The following KCNQ3 variants were observed in gnomAD, a reference collection of about 807,000 sequenced individuals.
The protein encoded by KCNQ3 is potassium voltage-gated channel subfamily KQT member 3.
Under a neutral mutation model 92.5 loss-of-function variants are expected in KCNQ3, and 30 were observed. The observed-to-expected ratio is 0.32, with a 90% CI of 0.24 to 0.44. KCNQ3 has a LOEUF of 0.44. Among genes scored for constraint, KCNQ3 ranks in the 20% least tolerant of loss-of-function variants. KCNQ3 has a pLI of 1.00. For missense variants in KCNQ3, 913 were observed against 1,140.3 expected (o/e 0.80, Z 2.87); for synonymous variants, 450 against 468.8 (o/e 0.96, Z 0.52).
rs1826891697 is a variant in KCNQ3, at chr8:132,184,384, ATGGAG to A, written c.478-22_478-18del. 6.2e-7 allele frequency: 1 copy of A among 1,613,046 alleles called. No homozygotes were observed. The highest frequency in any genetic ancestry group is 1.7e-5 in the Admixed American group (1 of 59,970). On this transcript the variant is annotated intron_variant, in intron 2 of 14. Transcript: ENST00000388996. ...AAATGTCTCCTGCATGGAAGAGCAT[ATGGAG>A]AGGCACTGATTAACCGAGATCCACT...
chr8:132,311,051 C>T (rs1817579223), intron 1 of KCNQ3, among the ~76,000 whole-genome samples: 1 of 151,344 alleles, frequency 6.6e-6, no homozygotes, highest in African/African-American at 2.4e-5. Context: ...ATTATCTTGT[C>T]ACAGCCTCCC....
chr8:132,163,113 TG>T (rs1050254286), intron 9 of KCNQ3, among the ~76,000 whole-genome samples: 1 of 152,186 alleles, frequency 6.6e-6, no homozygotes, highest in African/African-American at 2.4e-5. Context: ...ATTTTGGTCT[TG>T]CCACTCAATC....
intron 1 of KCNQ3, among the ~76,000 whole-genome samples, 153 bp downstream of exon 1, chr8:132,479,994 C>CACA (rs1554660748): frequency 3.6e-5 from 4 of 111,030 alleles, no homozygotes; most frequent in Non-Finnish European, 5.9e-5. Context: ...ACACACACAC[C>CACA]CAGGGAAACG....
chr8:132,406,253 G>C (rs544311504), intron 1 of KCNQ3, among the ~76,000 whole-genome samples: 3 of 152,140 alleles, frequency 2.0e-5, no homozygotes, highest in Non-Finnish European at 4.4e-5. Flanking sequence ...TTCTTTGCTG[G>C]ATCAAGCGGG....
chr8:132,187,883 TGGC>T (rs1271113956), intron 1 of KCNQ3, among the ~76,000 whole-genome samples: 2,072 of 94,870 alleles, frequency 0.022, 25 homozygotes, highest in Non-Finnish European at 0.028. Context: ...ATAGTGATGG[TGGC>T]GGTGGTGGTG....
rs761196608 is a variant in KCNQ3, at chr8:132,170,425, C to T, written c.1144G>A (p.Ala382Thr). ...GGGTTGGTAGCATAATACCTCCAGG[C>T]AGCCTGAGGGGCAGAAAAGAGGGGC... ...RKPAAELIQA[A>T]WRYYATNPNR... The change falls in exon 8 of 15, where the codon GCC (alanine) becomes ACC (threonine). Residue 382 changes from alanine (A) to threonine (T), a missense_variant. Coordinates refer to ENST00000388996, the MANE Select transcript of KCNQ3 (RefSeq NM_004519.4). The T allele has an allele frequency of 1.9e-6, 3 of 1,611,794 alleles. No homozygotes were observed. The highest frequency in any genetic ancestry group is 4.5e-5 in the East Asian group (2 of 44,852).
chr8:132,148,674 G>T (rs139129832), intron 9 of KCNQ3, among the ~76,000 whole-genome samples: 5 of 152,234 alleles, frequency 3.3e-5, no homozygotes, highest in Non-Finnish European at 7.3e-5. Context: ...GTGGATGGAC[G>T]TCATCTAATC....
intron 1 of KCNQ3, among the ~76,000 whole-genome samples, chr8:132,476,151 A>G (rs1395381780): frequency 6.6e-6 from 1 of 152,226 alleles, no homozygotes; most frequent in Non-Finnish European, 1.5e-5. Context: ...ACCTCCACCT[A>G]GATTTCAGAG....
intron 1 of KCNQ3, chr8:132,447,132 C>A (rs995444136): frequency 1.5e-5 from 20 of 1,362,386 alleles, no homozygotes; most frequent in Admixed American, 5.9e-5. Context: ...TCCCTCTCCC[C>A]CTGGGACTCT....
chr8:132,344,281 T>C (rs964326520), intron 1 of KCNQ3, among the ~76,000 whole-genome samples: 3 of 152,216 alleles, frequency 2.0e-5, no homozygotes, highest in Admixed American at 6.5e-5. Flanking sequence ...ACATTTAACA[T>C]CTTTCCCAGT....
intron 1 of KCNQ3, among the ~76,000 whole-genome samples, chr8:132,232,777 G>A (rs559887610): frequency 2.6e-5 from 4 of 152,176 alleles, no homozygotes; most frequent in Non-Finnish European, 4.4e-5. Context: ...AAATACTCAC[G>A]CCCCAGCTTC....
At chr8:132,437,812 C>T (rs1219545737) in intron 1 of KCNQ3, among the ~76,000 whole-genome samples, 1 of 152,200 alleles carries the variant, frequency 6.6e-6, no homozygotes, top group Non-Finnish European at 1.5e-5. Context: ...GATCCTTACA[C>T]TATAACCACT....
intron 1 of KCNQ3, among the ~76,000 whole-genome samples, chr8:132,309,966 A>C (rs1817542907): frequency 6.6e-6 from 1 of 152,200 alleles, no homozygotes; most frequent in South Asian, 2.1e-4. Flanking sequence ...TATTGTTTTA[A>C]ATCAACTTTC....
At chr8:132,229,059 T>C (rs1311661790) in intron 1 of KCNQ3, among the ~76,000 whole-genome samples, 1 of 152,036 alleles carries the variant, frequency 6.6e-6, no homozygotes, top group Non-Finnish European at 1.5e-5. Flanking sequence ...ATTGATACCA[T>C]CCTGGCCAAC....
chr8:132,132,212 T>A lies in KCNQ3; in HGVS notation c.1852A>T (p.Met618Leu). The A allele has an allele frequency of 6.2e-7, 1 of 1,613,828 alleles. No homozygotes were observed. Among genetic ancestry groups the A allele is most frequent in the Non-Finnish European group, 8.5e-7 (1 of 1,179,656 alleles). Residue 618 changes from methionine (M) to leucine (L), a missense_variant, in exon 14 of 15, where the codon ATG becomes TTG. Physicochemically the swap from Met to Leu is conservative, Grantham distance 15 (BLOSUM62 2). Around this residue, in one of 6 missense-constraint regions of KCNQ3, gnomAD observed 375 missense variants for 376.4 expected, o/e 1.00. Transcript: ENST00000388996. ...TCAACTTTTACAAACTTCCCCATCA[T>A]GCTTTGGTCTTCGATTTCTGATGTG... is the stretch of plus-strand genomic sequence containing the variant. ...PSTSEIEDQS[M>L]MGKFVKVERQ...
At chr8:132,272,769 C>T (rs1035365075) in intron 1 of KCNQ3, among the ~76,000 whole-genome samples, 2 of 152,168 alleles carry the variant, frequency 1.3e-5, no homozygotes, top group African/African-American at 4.8e-5. Context: ...CCTCCCATGA[C>T]ATGTGGGAAT....
chr8:132,349,409 C>CG (rs896178379), intron 1 of KCNQ3, among the ~76,000 whole-genome samples: 2 of 152,268 alleles, frequency 1.3e-5, no homozygotes, highest in Non-Finnish European at 2.9e-5. Flanking sequence ...TTACAGATGA[C>CG]GGGGGGAAGA....
chr8:132,230,566 T>C (rs1036431092), intron 1 of KCNQ3, among the ~76,000 whole-genome samples: 1 of 152,176 alleles, frequency 6.6e-6, no homozygotes, highest in South Asian at 2.1e-4. Context: ...AAGGTCCCTA[T>C]GACATAGTTT....
intron 1 of KCNQ3, among the ~76,000 whole-genome samples, chr8:132,295,874 G>A (rs1817005208): frequency 2.0e-5 from 3 of 152,104 alleles, no homozygotes; most frequent in Admixed American, 6.6e-5. Context: ...CATGCATCGG[G>A]GCCTGTTGTG....
Sources: gnomAD v4.1 joint callset for allele counts (sites outside exome capture counted in the v4.1 genomes callset) on GRCh38, gnomAD v4.1.1 for gene constraint, gnomAD v4.1.1 regional missense constraint, MANE v1.5 for transcripts, NCBI Gene and HGNC (gene_info 2026-07-23, HGNC 2026-07-21) for gene names.